The following KIF2C variants were observed in gnomAD, a reference collection of about 807,000 sequenced individuals.
KIF2C encodes the protein kinesin-like protein KIF2C.
Under a neutral mutation model 97.4 loss-of-function variants are expected in KIF2C, and 34 were observed. The observed-to-expected ratio is 0.35, with a 90% confidence interval of 0.27 to 0.46. KIF2C has a LOEUF of 0.46. Ranked by LOEUF, KIF2C falls within the 20% of genes least tolerant of loss-of-function variation. The pLI is 1.00. For missense variants in KIF2C, 750 were observed against 907.6 expected, an observed-to-expected ratio of 0.83 and a Z score of 2.23; for synonymous variants, 313 against 318.2, an observed-to-expected ratio of 0.98 and a Z score of 0.17.
intron 3 of KIF2C, 26 bp downstream of exon 3, chr1:44,747,511 C>G (rs992479228): frequency 6.3e-7 from 1 of 1,580,408 alleles, no homozygotes; most frequent in African/African-American, 1.4e-5. Flanking sequence ...CTGGCTGCAG[C>G]CAGTGCGCCA....
intron 2 of KIF2C, chr1:44,746,717 C>T: frequency 1.9e-6 from 3 of 1,609,630 alleles, no homozygotes; most frequent in Admixed American, 1.7e-5. Flanking sequence ...TCACTGACGT[C>T]TACCATTGGC....
intron 19 of KIF2C, among the ~76,000 whole-genome samples, chr1:44,766,118 C>T (rs569211149): frequency 2.0e-5 from 3 of 150,924 alleles, no homozygotes; most frequent in South Asian, 4.2e-4. Flanking sequence ...CCCAGCTACT[C>T]GGGAGGCTGA....
intron 17 of KIF2C, 46 bp from the exon 18 acceptor site, chr1:44,762,300 G>A (rs1650199530): frequency 6.6e-7 from 1 of 1,521,712 alleles, no homozygotes; most frequent in Non-Finnish European, 9.1e-7. Flanking sequence ...CCTCTGGTGA[G>A]TACCAAGGGG....
chr1:44,762,072 G>A, intron 17 of KIF2C, 89 bp downstream of exon 17: 1 of 1,183,738 alleles, frequency 8.4e-7, no homozygotes. Flanking sequence ...TGGGGCCTCA[G>A]GGCCTACTGT....
At chr1:44,765,652 G>T (rs1440753086) in intron 19 of KIF2C, among the ~76,000 whole-genome samples, 2 of 152,134 alleles carry the variant, frequency 1.3e-5, no homozygotes, top group Non-Finnish European at 2.9e-5. Flanking sequence ...GGCCAACATA[G>T]TGAAACCCTG....
intron 17 of KIF2C, 108 bp from the exon 18 acceptor site, chr1:44,762,238 C>T (rs554954185): frequency 8.8e-5 from 94 of 1,068,400 alleles, no homozygotes; most frequent in Non-Finnish European, 2.6e-5. Flanking sequence ...GGCAAGGTTG[C>T]CATTCCATCC....
intron 2 of KIF2C, among the ~76,000 whole-genome samples, chr1:44,741,595 G>A (rs1437647248): frequency 6.6e-6 from 1 of 152,066 alleles, no homozygotes; most frequent in South Asian, 2.1e-4. Context: ...TGAGGTGGGA[G>A]GATTGATTTA....
intron 4 of KIF2C, among the ~76,000 whole-genome samples, chr1:44,748,582 C>T (rs1192495466): frequency 6.6e-6 from 1 of 152,132 alleles, no homozygotes; most frequent in African/African-American, 2.4e-5. Context: ...ACTTGGTTGT[C>T]CATGCTGGAA....
intron 20 of KIF2C, 27 bp downstream of exon 20, chr1:44,766,976 T>G (rs1455525559): frequency 3.1e-6 from 5 of 1,613,608 alleles, no homozygotes; most frequent in Non-Finnish European, 3.4e-6. Flanking sequence ...GGGGTGCAGG[T>G]GGACGATGGT....
At chr1:44,748,408 T>C (rs189802105) in intron 4 of KIF2C, among the ~76,000 whole-genome samples, 136 of 152,260 alleles carry the variant, frequency 8.9e-4, no homozygotes, top group South Asian at 2.7e-3. Context: ...GGTGGTGCCA[T>C]TGCAAGCTTG....
At chr1:44,763,060 C>T (rs1336347106) in intron 19 of KIF2C, among the ~76,000 whole-genome samples, 1 of 152,214 alleles carries the variant, frequency 6.6e-6, no homozygotes, top group Non-Finnish European at 1.5e-5. Flanking sequence ...TCAATCCTGT[C>T]TCTTCCATTC....
At chr1:44,746,919 A>G (rs1385403646) in intron 2 of KIF2C, among the ~76,000 whole-genome samples, 1 of 151,412 alleles carries the variant, frequency 6.6e-6, no homozygotes, top group Admixed American at 6.6e-5. Flanking sequence ...GTTTTTTGAG[A>G]CAGAGTCTTG....
chr1:44,742,688 C>T (rs1046014615), intron 2 of KIF2C, among the ~76,000 whole-genome samples: 4 of 145,336 alleles, frequency 2.8e-5, no homozygotes, highest in Non-Finnish European at 4.5e-5. Flanking sequence ...CACTGCACTC[C>T]AGCCTGGGCA....
At position 44,740,313 on chromosome 1, in the gene KIF2C, C is replaced by T. The variant is rs1024717450; in HGVS notation, c.70+311C>T. 5.9e-5 allele frequency among the ~76,000 whole-genome samples: 9 copies of T among 152,324 alleles called. No individual in the cohort carries two copies. The East Asian group carries it at 1.5e-3, about 26-fold the overall frequency. ...TCCAAAATTCTCCCCTGAAAATGCC[C>T]TGCTCTTATGGGGACCTCGGTCTCC... On this transcript the variant is annotated intron_variant, in intron 1 of 20. Coordinates refer to ENST00000372224, the MANE Select transcript of KIF2C (RefSeq NM_006845.4).
At chr1:44,740,890 T>C in intron 1 of KIF2C, 23 bp from the exon 2 acceptor site, 2 of 1,555,160 alleles carry the variant, frequency 1.3e-6, no homozygotes, top group Non-Finnish European at 1.8e-6. Flanking sequence ...GATGGGTAAC[T>C]CTGGTTTTTT....
chr1:44,761,694 T>C (rs1201006217), intron 16 of KIF2C, among the ~76,000 whole-genome samples: 2 of 152,050 alleles, frequency 1.3e-5, no homozygotes, highest in African/African-American at 4.8e-5. Flanking sequence ...GATAATTAGA[T>C]GTGTCTTTGA....
At chr1:44,758,251 C>A in intron 13 of KIF2C, 111 bp downstream of exon 13, 1 of 862,146 alleles carries the variant, frequency 1.2e-6, no homozygotes. Context: ...AGCTGTCAAG[C>A]CACTGATGGG....
intron 4 of KIF2C, among the ~76,000 whole-genome samples, chr1:44,750,135 GTCTC>G (rs1160152334): frequency 6.6e-6 from 1 of 151,306 alleles, no homozygotes; most frequent in Non-Finnish European, 1.5e-5. Flanking sequence ...CTTAGATTAG[GTCTC>G]TCTCTCTCCA....
intron 4 of KIF2C, among the ~76,000 whole-genome samples, chr1:44,749,284 A>G (rs981900568): frequency 3.9e-5 from 6 of 152,082 alleles, no homozygotes; most frequent in Non-Finnish European, 4.4e-5. Context: ...AAATACAAAA[A>G]TTAGCCAGGC....
Sources: gnomAD v4.1 joint callset for allele counts (sites outside exome capture counted in the v4.1 genomes callset) on GRCh38, gnomAD v4.1.1 for gene constraint, MANE v1.5 for transcripts, NCBI Gene and HGNC (gene_info 2026-07-23, HGNC 2026-07-21) for gene names.